TXK: variants seen among roughly 807,000 people sequenced by gnomAD.
The protein encoded by TXK is tyrosine-protein kinase TXK.
TXK carries 60 observed loss-of-function variants against 81.0 expected under a neutral mutation model. The ratio of observed to expected loss-of-function variants is 0.74; its 90% CI spans 0.60 to 0.92. The LOEUF is 0.92. Among genes scored for constraint, TXK ranks in the 40% least tolerant of loss-of-function variants. The pLI, the probability that TXK is intolerant of heterozygous loss-of-function variation, is 0.00. For synonymous variants in TXK, 203 were observed against 210.7 expected (o/e 0.96, Z 0.32); for missense variants, 581 against 638.3 (o/e 0.91, Z 0.97).
At position 48,086,470 on chromosome 4, in the gene TXK, T is replaced by C. The variant is rs1717533683; in HGVS notation, c.952A>G (p.Met318Val). ...EEDFIEEAKV[M>V]MKLSHSKLVQ... ...CAGGGTGTTGTTTATACGTACATCATCACTTTGGCCTCTTCAATGAAATCC... is the reference window on the plus strand; with the variant it reads ...CAGGGTGTTGTTTATACGTACATCACCACTTTGGCCTCTTCAATGAAATCC... The change falls in exon 10 of 15, where the codon ATG becomes GTG. Residue 318 changes from methionine to valine, a missense_variant. By Grantham distance (21) the Met-to-Val change is conservative. Coordinates refer to ENST00000264316, the MANE Select transcript of TXK (RefSeq NM_003328.3). The C allele has an allele frequency of 6.2e-7, 1 of 1,613,992 alleles. No individual in the cohort carries two copies. The highest frequency in any genetic ancestry group is 8.5e-7 in the Non-Finnish European group (1 of 1,179,900).
chr4:48,134,025 C>T, intron 1 of TXK, 130 bp downstream of exon 1: 1 of 957,724 alleles, frequency 1.0e-6, no homozygotes, highest in Non-Finnish European at 1.5e-6. Context: ...TCTGTCACAA[C>T]ATCTGAGGAA....
rs150771370 is a variant in TXK at position 48,120,112 on chromosome 4, C to CAT, written c.17-5712_17-5711dup. On this transcript the variant is annotated intron_variant, in intron 1 of 14. Transcript: ENST00000264316. Reference sequence around the variant, plus strand: ...ACACACGTACACAAATATACGTATACATACACATACATATGTATATACATG... The same window carrying CAT: ...ACACACGTACACAAATATACGTATACATATACACATACATATGTATATACATG... 7.4e-3 allele frequency among the ~76,000 whole-genome samples: 1,112 copies of CAT among 150,478 alleles called. 14 individuals are homozygous for CAT. The highest frequency in any genetic ancestry group is 0.023 in the African/African-American group (932 of 40,794).
Position 48,071,509 on chromosome 4 carries a change from A to G in TXK, c.1515+8T>C. 1 of 1,611,146 alleles carries G rather than the reference A, an allele frequency of 6.2e-7. No homozygotes were observed. The highest frequency in any genetic ancestry group is 1.1e-5 in the South Asian group (1 of 90,280). ...GCCAACCTTCATAGGAAAGTAACAT[A>G]TGCTTACCTCATGCCAGCAGCTGTA... On this transcript the variant is annotated splice_region_variant and intron_variant, in intron 14 of 14. Coordinates refer to ENST00000264316, the MANE Select transcript of TXK (RefSeq NM_003328.3).
intron 1 of TXK, among the ~76,000 whole-genome samples, chr4:48,131,654 C>T (rs1004980438): frequency 2.6e-5 from 4 of 152,272 alleles, no homozygotes; most frequent in Admixed American, 6.5e-5. Flanking sequence ...AAATCCATGC[C>T]AGAGAGAATA....
At chr4:48,120,473 A>C (rs1718927997) in intron 1 of TXK, among the ~76,000 whole-genome samples, 7 of 151,672 alleles carry the variant, frequency 4.6e-5, no homozygotes, top group Admixed American at 4.6e-4. Context: ...ATTTATTGTA[A>C]AATCCAGAAA....
chr4:48,134,072 A>G, intron 1 of TXK, 83 bp downstream of exon 1: 2 of 1,540,994 alleles, frequency 1.3e-6, no homozygotes, highest in Non-Finnish European at 1.8e-6. Context: ...ATGCCTTGGA[A>G]AAAAAAAACT....
intron 8 of TXK, among the ~76,000 whole-genome samples, chr4:48,092,601 G>A (rs1454448254): frequency 1.5e-5 from 1 of 67,656 alleles, no homozygotes; most frequent in Non-Finnish European, 4.0e-5. Flanking sequence ...TGTGTAAAGG[G>A]AGAAAGAGTT....
intron 1 of TXK, among the ~76,000 whole-genome samples, chr4:48,120,899 G>A (rs1372091479): frequency 6.6e-6 from 1 of 151,808 alleles, no homozygotes; most frequent in African/African-American, 2.4e-5. Flanking sequence ...TCTTGTTAAG[G>A]TCACCAGTGA....
At chr4:48,121,554 C>T (rs754586953) in intron 1 of TXK, among the ~76,000 whole-genome samples, 6 of 152,174 alleles carry the variant, frequency 3.9e-5, no homozygotes, top group Non-Finnish European at 7.3e-5. Flanking sequence ...TATAAAATGA[C>T]ATAATATTTG....
intron 14 of TXK, among the ~76,000 whole-genome samples, chr4:48,068,258 G>A (rs1196743913): frequency 6.6e-6 from 1 of 152,190 alleles, no homozygotes; most frequent in Admixed American, 6.6e-5. Context: ...CGACCCTAGA[G>A]ATATATTTGA....
At chr4:48,114,057 A>G (rs1299831840) in intron 2 of TXK, among the ~76,000 whole-genome samples, 1 of 152,200 alleles carries the variant, frequency 6.6e-6, no homozygotes, top group Non-Finnish European at 1.5e-5. Flanking sequence ...TACGTATTGG[A>G]GCACAGACCT....
At chr4:48,100,848 G>A (rs375474844) in intron 6 of TXK, among the ~76,000 whole-genome samples, 1 of 151,924 alleles carries the variant, frequency 6.6e-6, no homozygotes, top group African/African-American at 2.4e-5. Context: ...ACACTATGCA[G>A]GTATAAAATG....
chr4:48,121,979 C>T (rs537158997), intron 1 of TXK, among the ~76,000 whole-genome samples: 1 of 152,282 alleles, frequency 6.6e-6, no homozygotes, highest in East Asian at 1.9e-4. Flanking sequence ...CACACACACA[C>T]ATACTTATTG....
At chr4:48,094,286 A>G in intron 7 of TXK, 82 bp from the exon 8 acceptor site, 1 of 1,509,488 alleles carries the variant, frequency 6.6e-7, no homozygotes, top group African/African-American at 1.4e-5. Context: ...ACAGGACTCC[A>G]GTTCTAAAAC....
At chr4:48,123,600 G>A (rs768945225) in intron 1 of TXK, among the ~76,000 whole-genome samples, 15 of 152,060 alleles carry the variant, frequency 9.9e-5, no homozygotes, top group African/African-American at 1.7e-4. Context: ...GCATTAATTC[G>A]CTTAGTCCTC....
rs1389551278 is a variant in TXK at position 48,066,856 on chromosome 4, A to G, written c.*781T>C. 6.6e-6 allele frequency: 1 copy of G among 152,146 alleles called. No homozygotes were observed. Among genetic ancestry groups the G allele is most frequent in the Non-Finnish European group, 1.5e-5 (1 of 68,028 alleles). The allele number at this position is 152,146 out of a possible 1,614,324, so 9.4% of individuals were successfully genotyped here. On this transcript the variant is annotated 3_prime_UTR_variant, in exon 15 of 15. Coordinates refer to ENST00000264316, the MANE Select transcript of TXK (RefSeq NM_003328.3). ...ATCATCTTCCTGAAAATTACAGGAG[A>G]CACTTAGTATGACAAAATAAGGCCT...
At position 48,114,250 on chromosome 4, in the gene TXK, G is replaced by C. The variant is rs145360691; in HGVS notation, c.71+98C>G. 101 of 1,247,266 alleles carry C rather than the reference G, an allele frequency of 8.1e-5. No individual in the cohort carries two copies. The African/African-American group carries it at 1.2e-3, about 15-fold the overall frequency. The allele number at this position is 1,247,266 out of a possible 1,614,324, so 77.3% of individuals were successfully genotyped here. The stretch of plus-strand genomic sequence containing the variant: ...GAAAATGGGAGAAGGTTCCCAGGTA[G>C]AGAGAACAGCGGGTGCAAAGAGACA... On this transcript the variant is annotated intron_variant, in intron 2 of 14. Coordinates refer to ENST00000264316, the MANE Select transcript of TXK (RefSeq NM_003328.3).
At chr4:48,128,625 G>A (rs1344112534) in intron 1 of TXK, among the ~76,000 whole-genome samples, 1 of 143,866 alleles carries the variant, frequency 7.0e-6, no homozygotes, top group Non-Finnish European at 1.5e-5. Context: ...GAGTGTGGTG[G>A]CACGATCTCA....
intron 10 of TXK, 62 bp from the exon 11 acceptor site, chr4:48,080,190 A>ACAAC (rs1717243786): frequency 7.8e-7 from 1 of 1,277,192 alleles, no homozygotes; most frequent in African/African-American, 1.5e-5. Flanking sequence ...ATGTTTGAAC[A>ACAAC]TAACTGGTAG....
Sources: allele counts gnomAD v4.1 joint callset (sites outside exome capture counted in the v4.1 genomes callset), GRCh38; gene constraint gnomAD v4.1.1; transcripts MANE v1.5; gene names NCBI Gene and HGNC (gene_info 2026-07-23, HGNC 2026-07-21).